PDZRN3: variants seen among roughly 807,000 people sequenced by gnomAD.
PDZRN3 encodes the protein PDZ domain containing ring finger 3, also known as E3 ubiquitin-protein ligase PDZRN3.
Under a neutral mutation model 85.7 loss-of-function variants are expected in PDZRN3, and 38 were observed. The ratio of observed to expected loss-of-function variants is 0.44; its 90% CI spans 0.34 to 0.58. The LOEUF (loss-of-function observed/expected upper bound fraction) is 0.58. PDZRN3 is among the 20% of genes least tolerant of loss of function. PDZRN3 has a pLI of 0.01. For missense variants in PDZRN3, 1,629 were observed against 1,506.4 expected, an observed-to-expected ratio of 1.08 and a Z score of -1.35; for synonymous variants, 759 against 638.0, an observed-to-expected ratio of 1.19 and a Z score of -2.86.
chr3:73,590,047 T>C (rs1259288526), intron 3 of PDZRN3, among the ~76,000 whole-genome samples: 1 of 151,924 alleles, frequency 6.6e-6, no homozygotes, highest in Non-Finnish European at 1.5e-5. Flanking sequence ...GGCAGGTGGA[T>C]CACTTGAGGT....
At chr3:73,517,060 C>A (rs764591209) in intron 3 of PDZRN3, among the ~76,000 whole-genome samples, 1 of 152,158 alleles carries the variant, frequency 6.6e-6, no homozygotes, top group Non-Finnish European at 1.5e-5. Context: ...ATTTCACTTC[C>A]CATCTGGGGC....
In PDZRN3 at chr3:73,391,835, C is replaced by G. The variant is rs550842960; in HGVS notation, c.1255-719G>C. 2.0e-5 allele frequency among the ~76,000 whole-genome samples: 3 copies of G among 152,256 alleles called. No homozygotes were observed. The East Asian group carries it at 5.8e-4, about 29-fold the overall frequency. On this transcript the variant is annotated intron_variant, in intron 5 of 9. Transcript: ENST00000263666. The stretch of plus-strand genomic sequence containing the variant: ...CTCAGTGTAACCAGGCTAAGTCACT[C>G]CCCCGCCCACTCTGCCAATGACTTG...
rs184059682 is a variant in PDZRN3, at chr3:73,408,926, T to C, written c.919-4531A>G. Among the ~76,000 whole-genome samples the C allele has an allele frequency of 2.0e-4, 31 of 152,240 alleles. 1 individual carries two copies. The highest frequency in any genetic ancestry group is 1.8e-3 in the Admixed American group (27 of 15,300). ...AAACAGTGGTGATGATGGCTGTGATTATAGACGGGATGCACCCAGTGACGT... is the reference window on the plus strand; with the variant it reads ...AAACAGTGGTGATGATGGCTGTGATCATAGACGGGATGCACCCAGTGACGT... On this transcript the variant is annotated intron_variant, in intron 3 of 9. Coordinates refer to ENST00000263666, the MANE Select transcript of PDZRN3 (RefSeq NM_015009.3).
chr3:73,455,138 A>C (rs1411205335), intron 3 of PDZRN3, among the ~76,000 whole-genome samples: 3 of 152,196 alleles, frequency 2.0e-5, no homozygotes, highest in Non-Finnish European at 4.4e-5. Flanking sequence ...TTCATGTTGG[A>C]AAAAGAATCA....
Position 73,427,996 on chromosome 3 carries a change from AT to A in PDZRN3, c.919-23602del, listed in dbSNP as rs533235273. On this transcript the variant is annotated intron_variant, in intron 3 of 9. Transcript: ENST00000263666. ...ACATTTAAGCTGAGCTCAAAGATGAATTGGTGAACTAACTTACAGGCAGAAA... is the reference window on the plus strand; with the variant it reads ...ACATTTAAGCTGAGCTCAAAGATGAATGGTGAACTAACTTACAGGCAGAAA... Among the ~76,000 whole-genome samples, 18 of 152,232 alleles carry A rather than the reference AT, an allele frequency of 1.2e-4. No homozygotes were observed. The South Asian group carries it at 3.7e-3, about 32-fold the overall frequency.
intron 3 of PDZRN3, among the ~76,000 whole-genome samples, chr3:73,600,087 G>A (rs1478158508): frequency 1.3e-5 from 2 of 152,082 alleles, no homozygotes; most frequent in Non-Finnish European, 2.9e-5. Context: ...CACCGATGTG[G>A]GTAAGAGCCG....
intron 3 of PDZRN3, among the ~76,000 whole-genome samples, chr3:73,586,711 T>C (rs1272600170): frequency 6.6e-6 from 1 of 152,156 alleles, no homozygotes; most frequent in African/African-American, 2.4e-5. Flanking sequence ...TCACCACACA[T>C]GCCACACAAA....
rs537765078 is a variant in PDZRN3 at position 73,541,007 on chromosome 3, C to T, written c.918+61347G>A. Among the ~76,000 whole-genome samples the T allele has an allele frequency of 2.6e-5, 4 of 152,328 alleles. No individual in the cohort carries two copies. In the South Asian group the frequency reaches 8.3e-4, roughly 32 times the overall value. ...GACAAAGGGAATCAAACTGTCTACT[C>T]TAATGTATGCTAAAACTTCTTAAGA... On this transcript the variant is annotated intron_variant, in intron 3 of 9. Transcript: ENST00000263666.
intron 3 of PDZRN3, among the ~76,000 whole-genome samples, chr3:73,579,140 A>G (rs1702163741): frequency 6.6e-6 from 1 of 152,146 alleles, no homozygotes; most frequent in African/African-American, 2.4e-5. Flanking sequence ...CCTTGGGACT[A>G]GGATTAGCGC....
rs761629166 is a variant in PDZRN3 at position 73,383,937 on chromosome 3, C to CGTGCGCCGGGAT, written c.2617_2628dup (p.Ile873_His876dup). On this transcript the variant is annotated inframe_insertion, in exon 10 of 10. Transcript: ENST00000263666. ...TGCATGTAGCTCTGGTAGTGCTGGGCGTGCGCCGGGATGTGCGCGTGCTTG... is the reference window on the plus strand; with the variant it reads ...TGCATGTAGCTCTGGTAGTGCTGGGCGTGCGCCGGGATGTGCGCCGGGATGTGCGCGTGCTTG... The CGTGCGCCGGGAT allele has an allele frequency of 3.1e-6, 5 of 1,606,420 alleles. No individual in the cohort carries two copies. The highest frequency in any genetic ancestry group is 4.2e-6 in the Non-Finnish European group (5 of 1,176,794).
chr3:73,497,402 C>G (rs762133319), intron 3 of PDZRN3, among the ~76,000 whole-genome samples: 1 of 135,992 alleles, frequency 7.4e-6, no homozygotes, highest in African/African-American at 3.5e-5. Context: ...AATTCAGCTA[C>G]TTTAAAAAAA....
At chr3:73,529,592 C>G (rs1181501947) in intron 3 of PDZRN3, among the ~76,000 whole-genome samples, 1 of 152,190 alleles carries the variant, frequency 6.6e-6, no homozygotes, top group African/African-American at 2.4e-5. Flanking sequence ...ATCCGCAAAG[C>G]ACTTTGTTAA....
intron 3 of PDZRN3, among the ~76,000 whole-genome samples, chr3:73,490,111 A>AT (rs1208227846): frequency 6.6e-6 from 1 of 152,064 alleles, no homozygotes; most frequent in Non-Finnish European, 1.5e-5. Context: ...TAAAGACATT[A>AT]TTTTTTTCCA....
chr3:73,451,037 A>C (rs1346354036), intron 3 of PDZRN3, among the ~76,000 whole-genome samples: 22 of 152,134 alleles, frequency 1.4e-4, no homozygotes, highest in Admixed American at 1.3e-4. Flanking sequence ...TGACCTGTAA[A>C]CTGCAAGTCA....
rs200062121 is a variant in PDZRN3, at chr3:73,484,516, C to A, written c.919-80121G>T. 2.5e-4 allele frequency among the ~76,000 whole-genome samples: 38 copies of A among 152,264 alleles called. No homozygotes were observed. The East Asian group carries it at 3.5e-3, about 14-fold the overall frequency. ...CAGAAAGGCCCTACAAATCCTCTGA[C>A]AGAAGAGCTTCATGGAGAGCTGGGG... is the stretch of plus-strand genomic sequence containing the variant. On this transcript the variant is annotated intron_variant, in intron 3 of 9. Coordinates refer to ENST00000263666, the MANE Select transcript of PDZRN3 (RefSeq NM_015009.3).
intron 3 of PDZRN3, among the ~76,000 whole-genome samples, chr3:73,461,257 A>T (rs1703097384): frequency 6.6e-6 from 1 of 152,226 alleles, no homozygotes; most frequent in Non-Finnish European, 1.5e-5. Context: ...CCTGAAAAGA[A>T]CCATTAGCCA....
At chr3:73,441,630 G>A (rs542917033) in intron 3 of PDZRN3, among the ~76,000 whole-genome samples, 1 of 152,260 alleles carries the variant, frequency 6.6e-6, no homozygotes. Flanking sequence ...GGGAGGCAGA[G>A]TAATTTGCCC....
intron 3 of PDZRN3, among the ~76,000 whole-genome samples, chr3:73,428,902 TTTC>T (rs1702374113): frequency 6.6e-6 from 1 of 151,784 alleles, no homozygotes; most frequent in East Asian, 1.9e-4. Flanking sequence ...TTGTTTTTTT[TTTC>T]CCCCAGAGAA....
chr3:73,608,399 C>T (rs898146651), intron 2 of PDZRN3, among the ~76,000 whole-genome samples, 199 bp downstream of exon 2: 1 of 152,138 alleles, frequency 6.6e-6, no homozygotes, highest in African/African-American at 2.4e-5. Flanking sequence ...TGTTATATTA[C>T]TAGGCCAATG....
Sources: allele counts gnomAD v4.1 joint callset (sites outside exome capture counted in the v4.1 genomes callset), GRCh38; gene constraint gnomAD v4.1.1; transcripts MANE v1.5; gene names NCBI Gene and HGNC (gene_info 2026-07-23, HGNC 2026-07-21).